Variants in ZNF697 observed in about 807,000 individuals in gnomAD.
The protein encoded by ZNF697 is zinc finger protein 697.
Under a neutral mutation model 32.4 loss-of-function variants are expected in ZNF697, and 23 were observed. The observed-to-expected ratio is 0.71, with a 90% CI of 0.51 to 1.01. ZNF697 has a LOEUF of 1.01. Ranked by LOEUF, ZNF697 falls within the 50% of genes least tolerant of loss-of-function variation. ZNF697 has a pLI of 0.00. For synonymous variants in ZNF697, 418 were observed against 337.2 expected, an observed-to-expected ratio of 1.24 and a Z score of -2.62; for missense variants, 930 against 794.0, an observed-to-expected ratio of 1.17 and a Z score of -2.06.
intron 1 of ZNF697, among the ~76,000 whole-genome samples, chr1:119,641,324 T>C (rs1649064896): frequency 6.6e-6 from 1 of 152,050 alleles, no homozygotes; most frequent in Non-Finnish European, 1.5e-5. Flanking sequence ...ACTAGTTTTA[T>C]ATTAAATTAA....
chr1:119,640,024 G>C (rs1190686443), intron 1 of ZNF697, among the ~76,000 whole-genome samples: 2 of 152,208 alleles, frequency 1.3e-5, no homozygotes, highest in Non-Finnish European at 2.9e-5. Flanking sequence ...TAAGTGCTCA[G>C]ATAGAATTAT....
At position 119,622,776 on chromosome 1, in the gene ZNF697, A is replaced by G. The variant is rs774542506; in HGVS notation, c.1567T>C (p.Cys523Arg). The G allele has an allele frequency of 3.1e-6, 5 of 1,593,162 alleles. No individual in the cohort carries two copies. The highest frequency in any genetic ancestry group is 4.3e-6 in the Non-Finnish European group (5 of 1,169,970). The change falls in exon 3 of 3, where the codon TGT (cysteine) becomes CGT (arginine). Residue 523 changes from cysteine to arginine, a missense_variant. Cys to Arg is a radical substitution (Grantham distance 180, BLOSUM62 -3). Transcript: ENST00000421812. ...RIHTGNKPHK[C>R]AGCGKGFRYK... The stretch of plus-strand genomic sequence containing the variant: ...CGGAAGCCTTTGCCGCAGCCCGCAC[A>G]CTTGTGCGGCTTGTTGCCCGTGTGG...
chr1:119,624,205 T>C, intron 2 of ZNF697, 89 bp from the exon 3 acceptor site: 2 of 1,420,332 alleles, frequency 1.4e-6, no homozygotes, highest in East Asian at 2.6e-5. Flanking sequence ...AAAACTGTGA[T>C]CCCCTCCCTC....
In ZNF697 at chr1:119,623,960, C is replaced by A. The variant is rs2101079062; in HGVS notation, c.383G>T (p.Arg128Leu). 3.7e-6 allele frequency: 6 copies of A among 1,605,206 alleles called. No homozygotes were observed. Among genetic ancestry groups the A allele is most frequent in the Non-Finnish European group, 4.3e-6 (5 of 1,176,050 alleles). The stretch of plus-strand genomic sequence containing the variant: ...CGGCTGCTCCTCTTCCTCCTCCAGC[C>A]GGTTCTCCCCAGCACTCTCGTCGTC... ...EDDDESAGEN[R>L]LEEEEEQPAP... Residue 128 changes from arginine to leucine, a missense_variant, in exon 3 of 3, where the codon CGG becomes CTG. Physicochemically the swap from Arg to Leu is moderately radical, Grantham distance 102. Coordinates refer to ENST00000421812, the MANE Select transcript of ZNF697 (RefSeq NM_001080470.2).
intron 1 of ZNF697, among the ~76,000 whole-genome samples, chr1:119,642,399 A>T (rs1305010139): frequency 6.6e-6 from 1 of 152,196 alleles, no homozygotes; most frequent in Non-Finnish European, 1.5e-5. Flanking sequence ...TAGGTTCATA[A>T]GTTGTACCAA....
chr1:119,642,913 GA>G (rs2101096610), intron 1 of ZNF697, among the ~76,000 whole-genome samples: 1 of 152,240 alleles, frequency 6.6e-6, no homozygotes, highest in South Asian at 2.1e-4. Flanking sequence ...GTGATTCTTT[GA>G]AATTCACAAA....
rs1483835393 is a variant in ZNF697 at position 119,619,921 on chromosome 1, T to A, written c.*2784A>T. 6.6e-6 allele frequency: 1 copy of A among 152,604 alleles called. No homozygotes were observed. Among genetic ancestry groups the A allele is most frequent in the Non-Finnish European group, 1.5e-5 (1 of 68,022 alleles). 9.5% of individuals were successfully genotyped at this position (152,604 alleles called of 1,614,324 possible). On this transcript the variant is annotated 3_prime_UTR_variant, in exon 3 of 3. Coordinates refer to ENST00000421812, the MANE Select transcript of ZNF697 (RefSeq NM_001080470.2). ...ACTTGCTTCCACCATCATTAATGAG[T>A]TGGTGGAAAAAGTCCTCAGATTAAC...
chr1:119,632,188 G>A (rs889002186), intron 1 of ZNF697, among the ~76,000 whole-genome samples: 9 of 152,190 alleles, frequency 5.9e-5, no homozygotes, highest in Non-Finnish European at 1.3e-4. Context: ...CGCCATATTT[G>A]CAGGGGATGC....
intron 1 of ZNF697, among the ~76,000 whole-genome samples, chr1:119,636,645 A>G (rs1648931681): frequency 6.6e-6 from 1 of 152,184 alleles, no homozygotes; most frequent in Non-Finnish European, 1.5e-5. Context: ...ATCTCACCTA[A>G]CACCCTATTT....
intron 2 of ZNF697, among the ~76,000 whole-genome samples, chr1:119,624,375 C>T (rs920034277): frequency 1.5e-5 from 1 of 67,570 alleles, no homozygotes; most frequent in Non-Finnish European, 2.7e-5. Flanking sequence ...TAGCTGGACC[C>T]GAGGCACTGC....
chr1:119,623,573 C>CGCGGGGGCCGGGCCA lies in ZNF697; in HGVS notation c.755_769dup (p.Leu252_Pro256dup). 3 of 1,479,938 alleles carry CGCGGGGGCCGGGCCA rather than the reference C, an allele frequency of 2.0e-6. No homozygotes were observed. Among genetic ancestry groups the CGCGGGGGCCGGGCCA allele is most frequent in the Non-Finnish European group, 2.7e-6 (3 of 1,121,736 alleles). The allele number at this position is 1,479,938 out of a possible 1,614,324, so 91.7% of individuals were successfully genotyped here. ...CTCCCCGCAGCGGAAGGGCTTTTCG[C>CGCGGGGGCCGGGCCA]GCGGGGGCCGGGCCAGCGGGGGCCC... is the stretch of plus-strand genomic sequence containing the variant. On this transcript the variant is annotated inframe_insertion, in exon 3 of 3. Transcript: ENST00000421812.
intron 1 of ZNF697, among the ~76,000 whole-genome samples, chr1:119,645,251 G>A (rs1248853175): frequency 6.6e-6 from 1 of 152,174 alleles, no homozygotes; most frequent in Non-Finnish European, 1.5e-5. Flanking sequence ...ACAGGTCTAT[G>A]AGAAAGGCTC....
At chr1:119,637,202 G>GA (rs1241038001) in intron 1 of ZNF697, among the ~76,000 whole-genome samples, 3 of 152,320 alleles carry the variant, frequency 2.0e-5, no homozygotes, top group Admixed American at 2.0e-4. Context: ...CCCAGATAAA[G>GA]AAGGGCATTC....
At position 119,623,673 on chromosome 1, in the gene ZNF697, G is replaced by C; in HGVS notation, c.670C>G (p.Pro224Ala). The change falls in exon 3 of 3, where the codon CCC becomes GCC. Residue 224 changes from proline to alanine, a missense_variant. Pro to Ala is a conservative substitution (Grantham distance 27, BLOSUM62 -1). Coordinates refer to ENST00000421812, the MANE Select transcript of ZNF697 (RefSeq NM_001080470.2). Reference protein sequence around the residue: ...AEAAAAASLEPFGLAGECDAM... With the variant: ...AEAAAAASLEAFGLAGECDAM... ...TCGCACTCGCCCGCCAGGCCGAAGG[G>C]CTCCAGGCTGGCGGCGGCAGCGGCC... 6.6e-7 allele frequency: 1 copy of C among 1,520,250 alleles called. No homozygotes were observed. The highest frequency in any genetic ancestry group is 8.8e-7 in the Non-Finnish European group (1 of 1,136,366). 94.2% of individuals were successfully genotyped at this position (1,520,250 alleles called of 1,614,324 possible). A position where few individuals can be genotyped will look rare whatever the true frequency, so the allele number is the denominator to read the frequency against.
chr1:119,622,848 C>T lies in ZNF697; in HGVS notation c.1495G>A (p.Gly499Ser), dbSNP rs587645131. 16 of 1,608,130 alleles carry T rather than the reference C, an allele frequency of 9.9e-6. No individual in the cohort carries two copies. The highest frequency in any genetic ancestry group is 1.1e-5 in the South Asian group (1 of 90,288). Residue 499 changes from glycine (G) to serine (S), a missense_variant, in exon 3 of 3, where the codon GGC becomes AGC. By Grantham distance (56) the Gly-to-Ser change is moderately conservative. Transcript: ENST00000421812. ...TGGGAGCTCTGGATAAAGCTCTTGC[C>T]GCACTCGATGCACGTGTAGGGCTTC... ...GEKPYTCIEC[G>S]KSFIQSSHLI...
Position 119,622,829 on chromosome 1 carries a change from C to G in ZNF697, c.1514G>C (p.Ser505Thr). ...CIECGKSFIQSSHLIRHRRIH... is the reference protein window; with the variant it reads ...CIECGKSFIQTSHLIRHRRIH... ...GCGGCGGTGGCGGATCAGGTGGGAG[C>G]TCTGGATAAAGCTCTTGCCGCACTC... is the stretch of plus-strand genomic sequence containing the variant. Residue 505 changes from serine to threonine, a missense_variant, in exon 3 of 3, where the codon AGC becomes ACC. Transcript: ENST00000421812. 1 of 1,604,128 alleles carries G rather than the reference C, an allele frequency of 6.2e-7. No individual in the cohort carries two copies. Among genetic ancestry groups the G allele is most frequent in the Non-Finnish European group, 8.5e-7 (1 of 1,174,758 alleles).
In ZNF697 at chr1:119,626,061, C is replaced by A; in HGVS notation, c.40G>T (p.Asp14Tyr). 6.2e-7 allele frequency: 1 copy of A among 1,614,008 alleles called. No individual in the cohort carries two copies. Among genetic ancestry groups the A allele is most frequent in the Non-Finnish European group, 8.5e-7 (1 of 1,179,892 alleles). Residue 14 changes from aspartate (D) to tyrosine (Y), a missense_variant, in exon 2 of 3, where the codon GAC (aspartate) becomes TAC (tyrosine). Coordinates refer to ENST00000421812, the MANE Select transcript of ZNF697 (RefSeq NM_001080470.2). Reference sequence around the variant, plus strand: ...GAACCCATCCCTTTGTCTTCTGAGTCCTGGTGTGCACAGACACCCTGATTA... The same window carrying A: ...GAACCCATCCCTTTGTCTTCTGAGTACTGGTGTGCACAGACACCCTGATTA... ...EDNQGVCAHQDSEDKGMGSDF... is the reference protein window; with the variant it reads ...EDNQGVCAHQYSEDKGMGSDF...
At chr1:119,630,837 T>G in intron 1 of ZNF697, among the ~76,000 whole-genome samples, 1 of 150,620 alleles carries the variant, frequency 6.6e-6, no homozygotes, top group East Asian at 2.0e-4. Flanking sequence ...TCCCCCGCAC[T>G]CCAGCCTGAG....
intron 1 of ZNF697, among the ~76,000 whole-genome samples, chr1:119,635,824 TTAGA>T (rs1168103959): frequency 6.6e-6 from 1 of 152,150 alleles, no homozygotes; most frequent in East Asian, 1.9e-4. Context: ...ACTTTTAAAT[TTAGA>T]TAGTGTTGTC....
Sources: allele counts gnomAD v4.1 joint callset (sites outside exome capture counted in the v4.1 genomes callset), GRCh38; gene constraint gnomAD v4.1.1; transcripts MANE v1.5; gene names NCBI Gene and HGNC (gene_info 2026-07-23, HGNC 2026-07-21).